The following WASF3 variants were observed in gnomAD, a reference collection of about 807,000 sequenced individuals.
The protein encoded by WASF3 is WASP family member 3.
In WASF3, 11 loss-of-function variants were observed where a neutral mutation model predicts 46.6. The observed-to-expected ratio is 0.24, with a 90% CI of 0.15 to 0.39. The LOEUF (loss-of-function observed/expected upper bound fraction) is 0.39. WASF3 is among the 10% of genes least tolerant of loss of function. The probability of loss-of-function intolerance (pLI) is 1.00; values close to 1 mark genes in which losing one functional copy is unlikely to be tolerated. For synonymous variants in WASF3, 242 were observed against 259.7 expected (o/e 0.93, Z 0.65); for missense variants, 576 against 669.8 (o/e 0.86, Z 1.55).
At chr13:26,641,695 G>A (rs1797245906) in intron 2 of WASF3, among the ~76,000 whole-genome samples, 1 of 152,128 alleles carries the variant, frequency 6.6e-6, no homozygotes, top group African/African-American at 2.4e-5. Flanking sequence ...GACTTCTCAT[G>A]GTCCAGATGA....
At chr13:26,554,105 T>C (rs1206129697), upstream of WASF3, among the ~76,000 whole-genome samples, 2 of 121,378 alleles carry the variant, frequency 1.6e-5, no homozygotes, top group East Asian at 2.5e-4. Context: ...CCTTCTTTCT[T>C]TCTTTCTTTC....
intron 6 of WASF3, among the ~76,000 whole-genome samples, chr13:26,673,520 A>G (rs1882979144): frequency 6.6e-6 from 1 of 152,202 alleles, no homozygotes; most frequent in Non-Finnish European, 1.5e-5. Flanking sequence ...AAATGCAGAA[A>G]GAGGGAGAGA....
At chr13:26,566,866 G>A (rs1879482126) in intron 1 of WASF3, among the ~76,000 whole-genome samples, 1 of 152,332 alleles carries the variant, frequency 6.6e-6, no homozygotes, top group Admixed American at 6.5e-5. Flanking sequence ...AGTCTGACTG[G>A]AACTTGTGTG....
intron 6 of WASF3, among the ~76,000 whole-genome samples, chr13:26,674,865 T>C (rs974050676): frequency 2.6e-5 from 4 of 152,192 alleles, no homozygotes; most frequent in Admixed American, 2.0e-4. Flanking sequence ...AAGAACTAGT[T>C]TATGTTCTTA....
At chr13:26,549,418 C>T in the WASF3 span, among the ~76,000 whole-genome samples, 14 of 152,116 alleles carry the variant, frequency 9.2e-5, no homozygotes, top group African/African-American at 3.1e-4. Context: ...GGGCATCTTA[C>T]GACTTGTCTC....
intron 8 of WASF3, among the ~76,000 whole-genome samples, chr13:26,681,836 G>T (rs181876123): frequency 1.1e-4 from 17 of 151,988 alleles, no homozygotes; most frequent in Admixed American, 7.9e-4. Flanking sequence ...TCATGTTCAG[G>T]CGTTTATCAA....
At chr13:26,675,879 A>G (rs1883055044) in intron 6 of WASF3, among the ~76,000 whole-genome samples, 1 of 152,182 alleles carries the variant, frequency 6.6e-6, no homozygotes, top group Non-Finnish European at 1.5e-5. Context: ...AGATCATAAA[A>G]TTTTGTATAG....
intron 2 of WASF3, among the ~76,000 whole-genome samples, chr13:26,618,456 C>G (rs1482234040): frequency 6.6e-6 from 1 of 151,990 alleles, no homozygotes; most frequent in Non-Finnish European, 1.5e-5. Flanking sequence ...GACACACACT[C>G]TCTCGCTCTC....
intron 2 of WASF3, among the ~76,000 whole-genome samples, chr13:26,615,048 C>T (rs999720973): frequency 2.0e-5 from 3 of 151,850 alleles, no homozygotes; most frequent in East Asian, 1.9e-4. Context: ...TAGGCATTTC[C>T]GTTGGTGTTT....
At chr13:26,676,778 C>T (rs1051081546) in intron 7 of WASF3, 54 bp downstream of exon 7, 51 of 1,519,552 alleles carry the variant, frequency 3.4e-5, no homozygotes, top group Non-Finnish European at 4.0e-5. Flanking sequence ...CTGGGTACTA[C>T]CTGGTTTTAT....
chr13:26,666,865 T>G (rs1389062777), intron 4 of WASF3, among the ~76,000 whole-genome samples: 1 of 33,270 alleles, frequency 3.0e-5, no homozygotes, highest in East Asian at 5.3e-4. Context: ...CAAGACTGTC[T>G]CAAAAAAAAA....
At chr13:26,581,862 A>G (rs1279027242) in intron 1 of WASF3, among the ~76,000 whole-genome samples, 1 of 152,250 alleles carries the variant, frequency 6.6e-6, no homozygotes, top group Non-Finnish European at 1.5e-5. Context: ...TTGGCATAGA[A>G]TGTTACCAGG....
chr13:26,547,550 T>C, the WASF3 span, among the ~76,000 whole-genome samples: 1 of 152,188 alleles, frequency 6.6e-6, no homozygotes, highest in African/African-American at 2.4e-5. Context: ...GTTGGCTCTT[T>C]GCTTGGCCTT....
In WASF3 at chr13:26,583,520, C is replaced by A. The variant is rs370703687; in HGVS notation, c.-109+25701C>A. Among the ~76,000 whole-genome samples the A allele has an allele frequency of 3.9e-5, 6 of 152,176 alleles. No homozygotes were observed. In the East Asian group the frequency reaches 9.7e-4, roughly 25 times the overall value. On this transcript the variant is annotated intron_variant, in intron 1 of 9. Transcript: ENST00000335327. ...CTAAGAGTCGAAGGCTCCTTAAGCC[C>A]AAGTAGGAGTTATTTTCTGCTAGGT...
intron 1 of WASF3, among the ~76,000 whole-genome samples, chr13:26,601,018 C>A (rs962973710): frequency 3.9e-5 from 6 of 152,146 alleles, no homozygotes; most frequent in African/African-American, 1.4e-4. Flanking sequence ...GTTGAAATCT[C>A]ATGGTTTTGT....
rs776240422 is a variant in WASF3 at position 26,682,922 on chromosome 13, A to G, written c.1299A>G (p.Ala433=). 76 of 1,610,090 alleles carry G rather than the reference A, an allele frequency of 4.7e-5. 2 individuals are homozygous for G. In the South Asian group the frequency reaches 8.1e-4, roughly 17 times the overall value. Residue 433 remains alanine (A), a synonymous_variant, in exon 9 of 10, where the codon GCA becomes GCG. Transcript: ENST00000335327. This position sits in a 1 kb window ranked among gnomAD's most constrained non-coding sequence, Gnocchi z 4.4. ...PVAEAKRQEP[A]QPPISDARSD... is the part of the protein sequence containing the mutation. ...CTGAGGCGAAGCGGCAAGAGCCTGC[A>G]CAGCCACCAATCAGTGATGCTCGAA...
intron 3 of WASF3, among the ~76,000 whole-genome samples, chr13:26,658,114 CT>C (rs1260023974): frequency 1.0e-5 from 1 of 96,610 alleles, no homozygotes; most frequent in Non-Finnish European, 2.1e-5. Context: ...ATTGCTGTCA[CT>C]TTTGCAAGAG....
At chr13:26,567,260 A>G (rs187090141) in intron 1 of WASF3, among the ~76,000 whole-genome samples, 8 of 152,342 alleles carry the variant, frequency 5.3e-5, no homozygotes, top group Admixed American at 6.5e-5. Flanking sequence ...TGAAAGATGT[A>G]TAGAAGATAG....
In WASF3 at chr13:26,671,982, G is replaced by A. The variant is rs1188042805; in HGVS notation, c.533G>A (p.Arg178His). 3.7e-6 allele frequency: 6 copies of A among 1,600,592 alleles called. No homozygotes were observed. The highest frequency in any genetic ancestry group is 2.7e-5 in the African/African-American group (2 of 74,298). ...DTEDKRKEKR[R>H]QKEQKRIDGT... is the part of the protein sequence containing the mutation. ...GAAGACAAAAGGAAAGAGAAAAGGC[G>A]TCAAAAGGTAAATAATTTCAGTATG... Residue 178 changes from arginine to histidine, a missense_variant, in exon 6 of 10, where the codon CGT becomes CAT. This residue lies in a region of WASF3 where 213 missense variants were observed against 278.0 expected (regional missense o/e 0.77). Coordinates refer to ENST00000335327, the MANE Select transcript of WASF3 (RefSeq NM_006646.6).
Sources: allele counts gnomAD v4.1 joint callset (sites outside exome capture counted in the v4.1 genomes callset), GRCh38; gene constraint gnomAD v4.1.1; regional missense constraint gnomAD v4.1.1; non-coding constraint Gnocchi (gnomAD v3.1); transcripts MANE v1.5; gene names NCBI Gene and HGNC (gene_info 2026-07-23, HGNC 2026-07-21).